ERC2: variants seen among roughly 807,000 people sequenced by gnomAD.
ERC2 encodes the protein ELKS/RAB6-interacting/CAST family member 2, also known as ERC protein 2.
A neutral mutation model predicts 114.8 loss-of-function variants in ERC2; 42 were observed. The observed-to-expected ratio is 0.37, with a 90% CI of 0.29 to 0.47. The LOEUF is 0.47. Ranked by LOEUF, ERC2 falls within the 20% of genes least tolerant of loss-of-function variation. The probability of loss-of-function intolerance (pLI) is 0.99; values close to 1 mark genes in which losing one functional copy is unlikely to be tolerated. For missense variants in ERC2, 939 were observed against 1,150.7 expected (o/e 0.82, Z 2.66); for synonymous variants, 454 against 425.5 (o/e 1.07, Z -0.82).
chr3:56,329,466 T>C (rs1160147246), intron 2 of ERC2, among the ~76,000 whole-genome samples: 1 of 152,176 alleles, frequency 6.6e-6, no homozygotes, highest in Non-Finnish European at 1.5e-5. Context: ...CAGGGAATTG[T>C]GAGAAAGTCA....
rs116393840 is a variant in ERC2, at chr3:55,694,721, C to T, written c.2847+4657G>A. On this transcript the variant is annotated intron_variant, in intron 16 of 17. Coordinates refer to ENST00000288221, the MANE Select transcript of ERC2 (RefSeq NM_015576.3). ...TAGGTTCTTTGCCATTTAGGCCCTT[C>T]CCAACTAGAATCAGAGCGGCAAGTG... 1.7e-3 allele frequency among the ~76,000 whole-genome samples: 259 copies of T among 152,280 alleles called. 2 individuals carry two copies. Among genetic ancestry groups the T allele is most frequent in the African/African-American group, 5.9e-3 (244 of 41,552 alleles).
intron 9 of ERC2, among the ~76,000 whole-genome samples, chr3:56,009,732 C>A (rs1167148170): frequency 4.6e-5 from 7 of 152,168 alleles, no homozygotes; most frequent in Admixed American, 2.6e-4. Flanking sequence ...ACCGAACTAT[C>A]CCCAAGAAAA....
intron 15 of ERC2, among the ~76,000 whole-genome samples, chr3:55,718,598 G>C (rs1576291339): frequency 6.6e-6 from 1 of 152,324 alleles, no homozygotes; most frequent in East Asian, 1.9e-4. Context: ...AATGTGGAAT[G>C]CCTGACTTCC....
chr3:55,965,233 T>G (rs2068664067), intron 12 of ERC2, among the ~76,000 whole-genome samples: 1 of 152,150 alleles, frequency 6.6e-6, no homozygotes, highest in Non-Finnish European at 1.5e-5. Flanking sequence ...ATATGCAATA[T>G]CCAATAGAAC....
intron 2 of ERC2, among the ~76,000 whole-genome samples, chr3:56,332,291 A>G (rs1335758675): frequency 6.6e-6 from 1 of 152,208 alleles, no homozygotes; most frequent in Non-Finnish European, 1.5e-5. Flanking sequence ...AAAGCATCCA[A>G]GCTCATACAA....
chr3:55,598,129 C>A (rs1012370289), intron 17 of ERC2, among the ~76,000 whole-genome samples: 1 of 152,178 alleles, frequency 6.6e-6, no homozygotes, highest in Non-Finnish European at 1.5e-5. Context: ...AGACAACTTG[C>A]AAATGTCTTT....
At chr3:56,080,084 A>AT (rs376219067) in intron 7 of ERC2, among the ~76,000 whole-genome samples, 32 of 151,882 alleles carry the variant, frequency 2.1e-4, no homozygotes, top group African/African-American at 5.3e-4. Context: ...AACACATTTT[A>AT]TTTTTTTTGT....
chr3:55,539,501 C>T (rs966851317), intron 17 of ERC2, among the ~76,000 whole-genome samples: 18 of 136,436 alleles, frequency 1.3e-4, no homozygotes, highest in African/African-American at 4.7e-4. Context: ...CAGCTCACTG[C>T]ACGCTGCACC....
chr3:55,845,978 GGATT>G (rs1403912532), intron 14 of ERC2, among the ~76,000 whole-genome samples: 2 of 152,206 alleles, frequency 1.3e-5, no homozygotes, highest in African/African-American at 4.8e-5. Context: ...CTTCTTACAA[GGATT>G]GATATTATAT....
intron 2 of ERC2, among the ~76,000 whole-genome samples, chr3:56,408,430 A>T (rs967819709): frequency 3.3e-5 from 5 of 152,044 alleles, no homozygotes; most frequent in Admixed American, 6.6e-5. Flanking sequence ...AGATAGGCAT[A>T]ATGTGGGACT....
At position 56,234,860 on chromosome 3, in the gene ERC2, A is replaced by G. The variant is rs147471348; in HGVS notation, c.1074+61159T>C. On this transcript the variant is annotated intron_variant, in intron 3 of 17. Coordinates refer to ENST00000288221, the MANE Select transcript of ERC2 (RefSeq NM_015576.3). ...CATAAGGACAGTGTCCCCACTAACC[A>G]AACACCTCCCATTAGACTACACCTC... 7.3e-3 allele frequency among the ~76,000 whole-genome samples: 1,114 copies of G among 152,308 alleles called. 5 individuals carry two copies. The highest frequency in any genetic ancestry group is 0.015 in the Admixed American group (232 of 15,292).
At position 56,280,118 on chromosome 3, in the gene ERC2, C is replaced by G. The variant is rs535653349; in HGVS notation, c.1074+15901G>C. ...GGGGCAGGAAATATGACCACAGAAGCAAGGGTCATAAAGAAATTTGAAAAT... is the reference window on the plus strand; with the variant it reads ...GGGGCAGGAAATATGACCACAGAAGGAAGGGTCATAAAGAAATTTGAAAAT... On this transcript the variant is annotated intron_variant, in intron 3 of 17. Coordinates refer to ENST00000288221, the MANE Select transcript of ERC2 (RefSeq NM_015576.3). Among the ~76,000 whole-genome samples the G allele has an allele frequency of 2.6e-5, 4 of 152,160 alleles. No homozygotes were observed. In the South Asian group the frequency reaches 6.2e-4, roughly 24 times the overall value.
At chr3:55,693,446 T>C (rs1330789542) in intron 16 of ERC2, among the ~76,000 whole-genome samples, 2 of 152,064 alleles carry the variant, frequency 1.3e-5, no homozygotes, top group Non-Finnish European at 2.9e-5. Flanking sequence ...GGCAATCCAC[T>C]GCCAAGAACC....
At chr3:55,801,500 C>T (rs533722434) in intron 14 of ERC2, among the ~76,000 whole-genome samples, 8 of 152,294 alleles carry the variant, frequency 5.3e-5, no homozygotes, top group Admixed American at 2.6e-4. Context: ...AACCAGGTTA[C>T]TGAGTTAAGA....
At chr3:56,073,632 C>G (rs1405694773) in intron 7 of ERC2, among the ~76,000 whole-genome samples, 1 of 152,194 alleles carries the variant, frequency 6.6e-6, no homozygotes, top group Non-Finnish European at 1.5e-5. Context: ...ATGTGAACAG[C>G]TCACTGCAAA....
In ERC2 at chr3:55,635,454, G is replaced by A. The variant is rs371664993; in HGVS notation, c.*39+48340C>T. Among the ~76,000 whole-genome samples, 8 of 151,162 alleles carry A rather than the reference G, an allele frequency of 5.3e-5. No individual in the cohort carries two copies. In the South Asian group the frequency reaches 8.4e-4, roughly 16 times the overall value. ...CACCCAGGCTGGAGTGCAGTGGCTC[G>A]ATCTCAGCTCACTGCAACCTCTGCC... On this transcript the variant is annotated intron_variant, in intron 17 of 17. Transcript: ENST00000288221.
intron 6 of ERC2, among the ~76,000 whole-genome samples, chr3:56,133,242 A>G (rs536208332): frequency 6.6e-6 from 1 of 152,184 alleles, no homozygotes; most frequent in Non-Finnish European, 1.5e-5. Context: ...GTTCGAAACC[A>G]GCCTGGGCAA....
intron 15 of ERC2, among the ~76,000 whole-genome samples, chr3:55,715,915 G>T (rs1355653217): frequency 6.6e-6 from 1 of 152,094 alleles, no homozygotes; most frequent in Non-Finnish European, 1.5e-5. Context: ...GTGGTTGGGG[G>T]ATGCATTAAT....
chr3:56,206,939 AAT>A (rs2048770713), intron 3 of ERC2, among the ~76,000 whole-genome samples: 1 of 152,234 alleles, frequency 6.6e-6, no homozygotes, highest in Non-Finnish European at 1.5e-5. Flanking sequence ...CCATCACTGC[AAT>A]ATATAATTTC....
Sources: allele counts gnomAD v4.1 joint callset (sites outside exome capture counted in the v4.1 genomes callset), GRCh38; gene constraint gnomAD v4.1.1; transcripts MANE v1.5; gene names NCBI Gene and HGNC (gene_info 2026-07-23, HGNC 2026-07-21).